Variants in TNIK observed in about 807,000 individuals in gnomAD.
The protein encoded by TNIK is TRAF2 and NCK-interacting protein kinase.
Under a neutral mutation model 191.3 loss-of-function variants are expected in TNIK, and 49 were observed. The observed-to-expected ratio is 0.26, with a 90% CI of 0.20 to 0.32. TNIK has a LOEUF of 0.32. Among genes scored for constraint, TNIK ranks in the 10% least tolerant of loss-of-function variants. The pLI is 1.00. For synonymous variants in TNIK, 594 were observed against 600.9 expected (o/e 0.99, Z 0.17); for missense variants, 1,155 against 1,702.3 (o/e 0.68, Z 5.66).
chr3:171,352,041 G>A (rs775646204), intron 2 of TNIK, among the ~76,000 whole-genome samples: 7 of 152,144 alleles, frequency 4.6e-5, no homozygotes, highest in Admixed American at 2.6e-4. Flanking sequence ...TGGGAGTCTC[G>A]TTAAAAAGCA....
intron 18 of TNIK, among the ~76,000 whole-genome samples, chr3:171,123,219 A>G (rs78642912): frequency 0.016 from 2,402 of 152,282 alleles, 57 homozygotes; most frequent in African/African-American, 0.055. Flanking sequence ...ATCACCTCGA[A>G]ATGGGCCATA....
At position 171,110,727 on chromosome 3, in the gene TNIK, G is replaced by A. The variant is rs1261490010; in HGVS notation, c.2271C>T (p.Arg757=). ...AGAAAGTTTTACCTCGAACTCTGGT[G>A]CGTTCACTGGATCCTGCTTGTGATC... ...QPGSQAGSSE[R]TRVRANSKSE... Residue 757 remains arginine (R), a synonymous_variant, in exon 19 of 33, where the codon CGC becomes CGT. Coordinates refer to ENST00000436636, the MANE Select transcript of TNIK (RefSeq NM_015028.4). 6.3e-7 allele frequency: 1 copy of A among 1,596,296 alleles called. No homozygotes were observed. The highest frequency in any genetic ancestry group is 1.7e-5 in the Admixed American group (1 of 57,584).
intron 2 of TNIK, among the ~76,000 whole-genome samples, chr3:171,244,163 C>T (rs1158628793): frequency 1.3e-5 from 2 of 150,810 alleles, no homozygotes; most frequent in African/African-American, 2.4e-5. Context: ...CTCCCGGGTT[C>T]ACACCACTCT....
At chr3:171,317,701 T>C (rs747966469) in intron 2 of TNIK, among the ~76,000 whole-genome samples, 33 of 152,184 alleles carry the variant, frequency 2.2e-4, no homozygotes, top group Non-Finnish European at 4.4e-5. Context: ...CCCCAGACTT[T>C]CTAGTTTACA....
intron 1 of TNIK, among the ~76,000 whole-genome samples, chr3:171,418,103 T>C (rs998617037): frequency 4.6e-5 from 7 of 152,162 alleles, no homozygotes; most frequent in African/African-American, 1.7e-4. Flanking sequence ...AATTAAACAG[T>C]GAGACTAGGT....
At chr3:171,175,978 A>G (rs1284138914) in intron 8 of TNIK, among the ~76,000 whole-genome samples, 4 of 152,244 alleles carry the variant, frequency 2.6e-5, no homozygotes, top group African/African-American at 9.6e-5. Flanking sequence ...TTATAAAAAG[A>G]TCTCATCTTG....
In TNIK at chr3:171,460,208, C is replaced by T. The variant is rs1488787379; in HGVS notation, c.-145G>A. ...CAGCCTCCCCCGCCCACCCCAGCCC[C>T]ACAGCGCCGGATCCCGATCCTCCGC... is the stretch of plus-strand genomic sequence containing the variant. On this transcript the variant is annotated 5_prime_UTR_variant, in exon 1 of 33. Coordinates refer to ENST00000436636, the MANE Select transcript of TNIK (RefSeq NM_015028.4). The surrounding 1 kb of genome is among the most constrained non-coding windows in gnomAD (Gnocchi z 6.8). 2 of 1,035,762 alleles carry T rather than the reference C, an allele frequency of 1.9e-6. No individual in the cohort carries two copies. Among genetic ancestry groups the T allele is most frequent in the African/African-American group, 3.2e-5 (2 of 63,242 alleles). 64.2% of individuals were successfully genotyped at this position (1,035,762 alleles called of 1,614,324 possible).
At position 171,366,335 on chromosome 3, in the gene TNIK, C is replaced by A. The variant is rs1459504935; in HGVS notation, c.123+3285G>T. 1.3e-5 allele frequency among the ~76,000 whole-genome samples: 2 copies of A among 152,134 alleles called. No individual in the cohort carries two copies. The highest frequency in any genetic ancestry group is 1.9e-4 in the East Asian group (1 of 5,194). On this transcript the variant is annotated intron_variant, in intron 2 of 32. Coordinates refer to ENST00000436636, the MANE Select transcript of TNIK (RefSeq NM_015028.4). This position sits in a 1 kb window ranked among gnomAD's most constrained non-coding sequence, Gnocchi z 4.1. ...AAATGCTAAAGATAAACAAATCTAACCTTGCCCAAAACAGGAATAAGCTAA... is the reference window on the plus strand; with the variant it reads ...AAATGCTAAAGATAAACAAATCTAAACTTGCCCAAAACAGGAATAAGCTAA...
At chr3:171,079,042 C>T (rs536022999) in intron 28 of TNIK, among the ~76,000 whole-genome samples, 1 of 152,246 alleles carries the variant, frequency 6.6e-6, no homozygotes, top group Non-Finnish European at 1.5e-5. Flanking sequence ...TACACCTCCA[C>T]TTCCACCTGA....
intron 2 of TNIK, among the ~76,000 whole-genome samples, chr3:171,294,761 T>G (rs144142481): frequency 1.3e-5 from 2 of 152,182 alleles, no homozygotes; most frequent in East Asian, 3.9e-4. Context: ...GTATAAGTCA[T>G]ATACAGATAA....
At chr3:171,208,556 G>T (rs1001268169) in intron 4 of TNIK, among the ~76,000 whole-genome samples, 76 of 116,118 alleles carry the variant, frequency 6.5e-4, no homozygotes, top group African/African-American at 2.4e-3. Context: ...TTTTATTTTT[G>T]TGTGTATGTG....
chr3:171,254,894 A>C (rs927795114), intron 2 of TNIK, among the ~76,000 whole-genome samples: 5 of 152,258 alleles, frequency 3.3e-5, no homozygotes, highest in Admixed American at 2.6e-4. Context: ...TGAATAAGCA[A>C]GATAAACGTT....
chr3:171,190,872 A>C, intron 5 of TNIK, 85 bp from the exon 6 acceptor site: 1 of 939,766 alleles, frequency 1.1e-6, no homozygotes. Flanking sequence ...GGATCCAAAA[A>C]CTTTACACTC....
At chr3:171,120,472 C>T (rs1727541335) in intron 18 of TNIK, among the ~76,000 whole-genome samples, 1 of 151,984 alleles carries the variant, frequency 6.6e-6, no homozygotes, top group South Asian at 2.1e-4. Flanking sequence ...AGGCGCCTGC[C>T]ACCATGCTCG....
intron 2 of TNIK, among the ~76,000 whole-genome samples, chr3:171,284,100 A>G (rs1040445284): frequency 6.6e-6 from 1 of 152,144 alleles, no homozygotes; most frequent in Non-Finnish European, 1.5e-5. Flanking sequence ...ACCGAGACCT[A>G]TGAATCTGAA....
chr3:171,098,138 TAAAAGAGTCATTTTA>T (rs1722987677), intron 22 of TNIK, among the ~76,000 whole-genome samples: 1 of 151,934 alleles, frequency 6.6e-6, no homozygotes, highest in African/African-American at 2.4e-5. Flanking sequence ...AAAGCGGAAA[TAAAAGAGTCATTTTA>T]CAGTGGAGAA....
Position 171,318,381 on chromosome 3 carries a change from A to AG in TNIK, c.123+51238dup, listed in dbSNP as rs1008487917. Among the ~76,000 whole-genome samples the AG allele has an allele frequency of 5.9e-5, 9 of 152,304 alleles. 1 individual carries two copies. The highest frequency in any genetic ancestry group is 1.9e-4 in the African/African-American group (8 of 41,572). ...AGTAATCATTTTCCAAAACATATTA[A>AG]GGTTTTTATTTACTAATGGTCTTAA... On this transcript the variant is annotated intron_variant, in intron 2 of 32. Coordinates refer to ENST00000436636, the MANE Select transcript of TNIK (RefSeq NM_015028.4).
chr3:171,128,866 A>G lies in TNIK; in HGVS notation c.1621T>C (p.Ser541Pro), dbSNP rs1482407636. 14 of 1,486,720 alleles carry G rather than the reference A, an allele frequency of 9.4e-6. No individual in the cohort carries two copies. The highest frequency in any genetic ancestry group is 1.3e-5 in the Non-Finnish European group (14 of 1,114,720). 92.1% of individuals were successfully genotyped at this position (1,486,720 alleles called of 1,614,324 possible). Residue 541 changes from serine (S) to proline (P), a missense_variant, in exon 16 of 33, where the codon TCA (serine) becomes CCA (proline). Transcript: ENST00000436636. ...PAWAKEVEER[S>P]RLNRQSSPAM... is the part of the protein sequence containing the mutation. ...GGGGAACTTTGCCGGTTGAGCCTTGACCGTTCTTCTACCTACAACCCAAAA... is the reference window on the plus strand; with the variant it reads ...GGGGAACTTTGCCGGTTGAGCCTTGGCCGTTCTTCTACCTACAACCCAAAA...
intron 2 of TNIK, among the ~76,000 whole-genome samples, chr3:171,331,246 C>T (rs1046247128): frequency 6.6e-6 from 1 of 152,182 alleles, no homozygotes; most frequent in Admixed American, 6.5e-5. Flanking sequence ...AGGCCACTTT[C>T]TACCCCAGAT....
Sources: allele counts gnomAD v4.1 joint callset (sites outside exome capture counted in the v4.1 genomes callset), GRCh38; gene constraint gnomAD v4.1.1; non-coding constraint Gnocchi (gnomAD v3.1); transcripts MANE v1.5; gene names NCBI Gene and HGNC (gene_info 2026-07-23, HGNC 2026-07-21).